Variants in DRC10 observed in about 807,000 individuals in gnomAD.
The protein encoded by DRC10 is dynein regulatory complex subunit 10.
At chr12:113,205,807 TGAAC>T in the DRC10 span, among the ~76,000 whole-genome samples, 13 of 144,814 alleles carry the variant, frequency 9.0e-5, no homozygotes, top group African/African-American at 3.1e-4. Context: ...GAGAATGGCG[TGAAC>T]CCGGGAAGCG....
At chr12:113,215,735 G>C in the DRC10 span, among the ~76,000 whole-genome samples, 1 of 152,072 alleles carries the variant, frequency 6.6e-6, no homozygotes, top group Non-Finnish European at 1.5e-5. Context: ...GCATCACTTT[G>C]GCAGTTTCAG....
chr12:113,196,867 C>A, the DRC10 span, among the ~76,000 whole-genome samples: 1 of 152,274 alleles, frequency 6.6e-6, no homozygotes, highest in African/African-American at 2.4e-5. Flanking sequence ...CACACACTTG[C>A]AGCCATGGTG....
chr12:113,220,566 A>G, the DRC10 span, among the ~76,000 whole-genome samples: 1 of 152,176 alleles, frequency 6.6e-6, no homozygotes, highest in Non-Finnish European at 1.5e-5. Context: ...AACAACAACA[A>G]CAACAACAAA....
At chr12:113,218,511 G>T in the DRC10 span, among the ~76,000 whole-genome samples, 15 of 151,812 alleles carry the variant, frequency 9.9e-5, 1 homozygote, top group Non-Finnish European at 1.9e-4. Context: ...GTGCAACCAT[G>T]GATTACTGTA....
At chr12:113,202,691 G>T in the DRC10 span, among the ~76,000 whole-genome samples, 4 of 152,144 alleles carry the variant, frequency 2.6e-5, no homozygotes, top group Admixed American at 6.5e-5. Flanking sequence ...TAGACTGGGG[G>T]CCACATGATG....
At chr12:113,196,829 C>T in the DRC10 span, among the ~76,000 whole-genome samples, 1 of 152,380 alleles carries the variant, frequency 6.6e-6, no homozygotes, top group Admixed American at 6.5e-5. Context: ...CTGAGCACTT[C>T]CCTCCAGGCC....
At chr12:113,201,577 C>T in the DRC10 span, among the ~76,000 whole-genome samples, 3 of 152,202 alleles carry the variant, frequency 2.0e-5, no homozygotes, top group East Asian at 1.9e-4. Flanking sequence ...GGATTGCCAC[C>T]GGGCTCTTTC....
At chr12:113,209,760 G>A in the DRC10 span, among the ~76,000 whole-genome samples, 2 of 152,154 alleles carry the variant, frequency 1.3e-5, no homozygotes, top group Non-Finnish European at 2.9e-5. Context: ...GAGGGCATAC[G>A]GGAACTCTCT....
chr12:113,218,262 A>G, the DRC10 span, among the ~76,000 whole-genome samples: 1 of 151,100 alleles, frequency 6.6e-6, no homozygotes, highest in South Asian at 2.1e-4. Context: ...TCAGCCTCCC[A>G]AGTAGCTGGG....
At chr12:113,206,581 A>G in the DRC10 span, among the ~76,000 whole-genome samples, 8 of 152,156 alleles carry the variant, frequency 5.3e-5, no homozygotes, top group Non-Finnish European at 1.0e-4. Flanking sequence ...CAAGACTGCT[A>G]GCAAGCAGCA....
At chr12:113,216,958 G>A in the DRC10 span, among the ~76,000 whole-genome samples, 1 of 152,064 alleles carries the variant, frequency 6.6e-6, no homozygotes, top group Admixed American at 6.6e-5. Context: ...GCATGGTGTT[G>A]GGCACCTGTA....
At chr12:113,198,311 A>G in the DRC10 span, among the ~76,000 whole-genome samples, 1 of 152,212 alleles carries the variant, frequency 6.6e-6, no homozygotes, top group Admixed American at 6.5e-5. Context: ...AACAAGGTCC[A>G]AGGAAAAGGC....
the DRC10 span, chr12:113,205,967 AG>A: frequency 1.3e-5 from 2 of 150,708 alleles, no homozygotes; most frequent in African/African-American, 4.9e-5. Flanking sequence ...CTGTAATCCC[AG>A]CACTTTGGGG....
At chr12:113,198,610 G>T in the DRC10 span, among the ~76,000 whole-genome samples, 1 of 152,172 alleles carries the variant, frequency 6.6e-6, no homozygotes, top group Admixed American at 6.5e-5. Flanking sequence ...ATTAGTGATT[G>T]CCAGGGACAG....
chr12:113,210,620 A>C, the DRC10 span, among the ~76,000 whole-genome samples: 2 of 151,476 alleles, frequency 1.3e-5, no homozygotes, highest in African/African-American at 2.4e-5. Context: ...AAGAAAAAAA[A>C]AAAAAAAAGA....
chr12:113,204,892 A>G, the DRC10 span, among the ~76,000 whole-genome samples: 1 of 151,916 alleles, frequency 6.6e-6, no homozygotes, highest in Non-Finnish European at 1.5e-5. Context: ...TCATGCCATT[A>G]TACTCCAGCT....
chr12:113,209,913 G>A, the DRC10 span, among the ~76,000 whole-genome samples: 1 of 152,198 alleles, frequency 6.6e-6, no homozygotes, highest in African/African-American at 2.4e-5. Flanking sequence ...ATCATCTGAG[G>A]TCAGGAGTTC....
the DRC10 span, among the ~76,000 whole-genome samples, chr12:113,210,182 G>T: frequency 2.6e-5 from 4 of 152,094 alleles, no homozygotes; most frequent in Non-Finnish European, 5.9e-5. Context: ...AAATCTATAG[G>T]GCAATCAGAG....
At chr12:113,214,016 G>A in the DRC10 span, among the ~76,000 whole-genome samples, 1 of 152,072 alleles carries the variant, frequency 6.6e-6, no homozygotes, top group East Asian at 1.9e-4. Context: ...GAACTCCTGG[G>A]CTCAAGAGGA....
Sources: allele counts gnomAD v4.1 joint callset (sites outside exome capture counted in the v4.1 genomes callset), GRCh38; gene constraint gnomAD v4.1.1; transcripts MANE v1.5; gene names NCBI Gene and HGNC (gene_info 2026-07-23, HGNC 2026-07-21).